Variants in PHF23 observed in about 807,000 individuals in gnomAD.
PHF23 encodes PDH-containing protein JUNE-1.
A neutral mutation model predicts 36.0 loss-of-function variants in PHF23; 3 were observed. That is an observed-to-expected ratio of 0.08 (90% CI 0.04 to 0.22). PHF23 has a LOEUF of 0.22. Ranked by LOEUF, PHF23 falls within the 10% of genes least tolerant of loss-of-function variation. PHF23 has a pLI of 1.00. For synonymous variants in PHF23, 242 were observed against 192.5 expected, an observed-to-expected ratio of 1.26 and a Z score of -2.13; for missense variants, 475 against 513.6, an observed-to-expected ratio of 0.92 and a Z score of 0.73.
At position 7,236,690 on chromosome 17, in the gene PHF23, C is replaced by T. The variant is rs778149646; in HGVS notation, c.237G>A (p.Ser79=). The stretch of plus-strand genomic sequence containing the variant: ...GGATGGTTCGAAGATCTGAGGGGGC[C>T]GAGTCCCAGCCATCACTGTCGGCCG... The part of the protein sequence containing the change: ...ESAADSDGWD[S]APSDLRTIQT... Residue 79 remains serine, a synonymous_variant, in exon 4 of 5, where the codon TCG becomes TCA. Transcript: ENST00000320316. The surrounding 1 kb of genome is among the most constrained non-coding windows in gnomAD (Gnocchi z 5.1). 31 of 1,613,982 alleles carry T rather than the reference C, an allele frequency of 1.9e-5. 2 individuals carry two copies. In the South Asian group the frequency reaches 2.6e-4, roughly 14 times the overall value.
intron 2 of PHF23, 33 bp downstream of exon 2, chr17:7,237,596 G>A (rs2071695277): frequency 6.2e-7 from 1 of 1,613,616 alleles, no homozygotes; most frequent in African/African-American, 1.3e-5. Flanking sequence ...GTCAGGCAGG[G>A]CTACTAGGCT....
chr17:7,239,053 C>A, intron 1 of PHF23, 193 bp downstream of exon 1: 2 of 1,297,502 alleles, frequency 1.5e-6, no homozygotes, highest in South Asian at 3.1e-5. Flanking sequence ...TGATCTCCAA[C>A]TACCCCAGCC....
chr17:7,240,699 C>A, upstream of PHF23: 1 of 627,172 alleles, frequency 1.6e-6, no homozygotes, highest in Non-Finnish European at 2.9e-6. Context: ...ATTACCCCTC[C>A]TAAGAGAGGC....
At chr17:7,239,180 A>G in intron 1 of PHF23, 66 bp downstream of exon 1, 1 of 1,192,838 alleles carries the variant, frequency 8.4e-7, no homozygotes, top group South Asian at 1.3e-5. Context: ...TCGACCTCCA[A>G]GTTTGCCAAT....
chr17:7,240,805 CCT>C (rs1161357174), upstream of PHF23: 2 of 1,308,606 alleles, frequency 1.5e-6, no homozygotes, highest in Admixed American at 3.4e-5. Context: ...AGGGGGGCCA[CCT>C]CTCTCTTTGT....
At chr17:7,238,763 T>C in intron 1 of PHF23, 1 of 1,524,206 alleles carries the variant, frequency 6.6e-7, no homozygotes, top group Non-Finnish European at 8.7e-7. Flanking sequence ...GACCCCCTCT[T>C]CTCCCCACAA....
Position 7,235,472 on chromosome 17 carries a change from A to G in PHF23, c.*154T>C, listed in dbSNP as rs1597559842. The G allele has an allele frequency of 1.3e-6, 1 of 767,456 alleles. No individual in the cohort carries two copies. Among genetic ancestry groups the G allele is most frequent in the Non-Finnish European group, 2.1e-6 (1 of 469,696 alleles). 47.5% of individuals were successfully genotyped at this position (767,456 alleles called of 1,614,324 possible). A position where few individuals can be genotyped will look rare whatever the true frequency, so the allele number is the denominator to read the frequency against. ...GAGTGGGGAGGAAGGATAGGGTGGG[A>G]AAGTGAGACACTCATTTTCAAACAA... is the stretch of plus-strand genomic sequence containing the variant. On this transcript the variant is annotated 3_prime_UTR_variant, in exon 5 of 5. Transcript: ENST00000320316.
chr17:7,235,384 T>C lies in PHF23; in HGVS notation c.*242A>G. 1 of 538,218 alleles carries C rather than the reference T, an allele frequency of 1.9e-6. No homozygotes were observed. Among genetic ancestry groups the C allele is most frequent in the Non-Finnish European group, 3.3e-6 (1 of 298,806 alleles). 33.3% of individuals were successfully genotyped at this position (538,218 alleles called of 1,614,324 possible). A position where few individuals can be genotyped will look rare whatever the true frequency, so the allele number is the denominator to read the frequency against. ...GGTGGCAGGTCCAAGAGACAGAGAT[T>C]ATGTGTCGGGACACAGACAGCCTCC... On this transcript the variant is annotated 3_prime_UTR_variant, in exon 5 of 5. Coordinates refer to ENST00000320316, the MANE Select transcript of PHF23 (RefSeq NM_024297.3).
chr17:7,240,174 T>G (rs1358738608), upstream of PHF23: 1 of 152,226 alleles, frequency 6.6e-6, no homozygotes, highest in African/African-American at 2.4e-5. Flanking sequence ...TAACATTTAG[T>G]TTCACATGCG....
rs748426063 is a variant in PHF23 at position 7,236,647 on chromosome 17, C to T, written c.280G>A (p.Ala94Thr). The change falls in exon 4 of 5, where the codon GCA (alanine) becomes ACA (threonine). Residue 94 changes from alanine to threonine, a missense_variant. This residue lies in a region of PHF23 where 350 missense variants were observed against 319.8 expected (regional missense o/e 1.09). Coordinates refer to ENST00000320316, the MANE Select transcript of PHF23 (RefSeq NM_024297.3). This position sits in a 1 kb window ranked among gnomAD's most constrained non-coding sequence, Gnocchi z 5.1. The stretch of plus-strand genomic sequence containing the variant: ...GCTGCCCTTCTCTTGGATGACTTTG[C>T]TTTCTTAACAAAAGTCTGGATGGTT... The part of the protein sequence containing the change: ...LRTIQTFVKK[A>T]KSSKRRAAQA... 179 of 1,614,034 alleles carry T rather than the reference C, an allele frequency of 1.1e-4. No individual in the cohort carries two copies. Among genetic ancestry groups the T allele is most frequent in the Non-Finnish European group, 1.4e-4 (168 of 1,180,022 alleles).
rs976765769 is a variant in PHF23, at chr17:7,236,165, C to T, written c.762G>A (p.Glu254=). The change falls in exon 4 of 5, where the codon GAG becomes GAA. Residue 254 remains glutamate (E), a synonymous_variant. Transcript: ENST00000320316. This position sits in a 1 kb window ranked among gnomAD's most constrained non-coding sequence, Gnocchi z 5.1. ...CCATCTCTTCTTCTTCTTCCTCTTC[C>T]TCCTCTTCCTCCTCCTCTTCAGAGT... The part of the protein sequence containing the change: ...DTDSEEEEEE[E]EEEEEEEMAT... The T allele has an allele frequency of 1.2e-6, 2 of 1,608,474 alleles. No individual in the cohort carries two copies. Among genetic ancestry groups the T allele is most frequent in the African/African-American group, 1.3e-5 (1 of 74,712 alleles).
In PHF23 at chr17:7,236,136, GTTGCCATCTC is replaced by G. The variant is rs1567580674; in HGVS notation, c.781_790del (p.Glu261GlnfsTer3). ...GACTGGGGCTTCACCCCCTACCACT[GTTGCCATCTC>G]TTCTTCTTCTTCCTCTTCCTCCTCT... On this transcript the variant is annotated frameshift_variant, in exon 4 of 5. Coordinates refer to ENST00000320316, the MANE Select transcript of PHF23 (RefSeq NM_024297.3). LOFTEE classifies it high-confidence loss of function. The surrounding 1 kb of genome is among the most constrained non-coding windows in gnomAD (Gnocchi z 5.1). The G allele has an allele frequency of 6.2e-7, 1 of 1,610,734 alleles. No individual in the cohort carries two copies. Among genetic ancestry groups the G allele is most frequent in the Non-Finnish European group, 8.5e-7 (1 of 1,178,342 alleles).
In PHF23 at chr17:7,237,626, C is replaced by T. The variant is rs766896302; in HGVS notation, c.66+3G>A. 34 of 1,613,912 alleles carry T rather than the reference C, an allele frequency of 2.1e-5. No homozygotes were observed. The Admixed American group carries it at 3.5e-4, about 17-fold the overall frequency. On this transcript the variant is annotated splice_donor_region_variant and intron_variant, in intron 2 of 4. Transcript: ENST00000320316. ...TAGGCTGCAAAGGTAAGGCAAACCT[C>T]ACCTGAGTCTCTGGCTTAAGGGTCG...
intron 1 of PHF23, chr17:7,238,521 T>C: frequency 3.2e-6 from 3 of 933,360 alleles, no homozygotes; most frequent in South Asian, 7.7e-5. Flanking sequence ...ACTCTCTCTC[T>C]CTCTCCACAG....
intron 1 of PHF23, chr17:7,238,917 ACT>A: frequency 6.6e-7 from 1 of 1,513,002 alleles, no homozygotes; most frequent in South Asian, 1.2e-5. Flanking sequence ...CTCCTGAGCA[ACT>A]CTCCGGCCAC....
At chr17:7,239,536 C>T (rs1320956503), upstream of PHF23, 1 of 377,426 alleles carries the variant, frequency 2.6e-6, no homozygotes, top group Non-Finnish European at 4.9e-6. Context: ...TCTCCTCCCT[C>T]CCTCCTCTTC....
chr17:7,237,817 C>G, intron 1 of PHF23, 157 bp from the exon 2 acceptor site: 3 of 828,596 alleles, frequency 3.6e-6, no homozygotes, highest in East Asian at 2.7e-5. Context: ...CCGGCTCCCC[C>G]TTCCGCCCCG....
In PHF23 at chr17:7,235,396, CA is replaced by C. The variant is rs766395130; in HGVS notation, c.*229del. Reference sequence around the variant, plus strand: ...AAGAGACAGAGATTATGTGTCGGGACACAGACAGCCTCCCATCCCCAACCGT... The same window carrying C: ...AAGAGACAGAGATTATGTGTCGGGACCAGACAGCCTCCCATCCCCAACCGT... On this transcript the variant is annotated 3_prime_UTR_variant, in exon 5 of 5. Coordinates refer to ENST00000320316, the MANE Select transcript of PHF23 (RefSeq NM_024297.3). The C allele has an allele frequency of 3.6e-6, 2 of 556,664 alleles. No homozygotes were observed. The highest frequency in any genetic ancestry group is 6.4e-6 in the Non-Finnish European group (2 of 310,822). 34.5% of individuals were successfully genotyped at this position (556,664 alleles called of 1,614,324 possible). A position where few individuals can be genotyped will look rare whatever the true frequency, so the allele number is the denominator to read the frequency against.
At chr17:7,237,903 C>A (rs2071706578) in intron 1 of PHF23, 1 of 543,428 alleles carries the variant, frequency 1.8e-6, no homozygotes. Context: ...GGAGGCCCGG[C>A]GCCCCGCCCC....
Sources: allele counts gnomAD v4.1 joint callset, GRCh38; gene constraint gnomAD v4.1.1; regional missense constraint gnomAD v4.1.1; non-coding constraint Gnocchi (gnomAD v3.1); transcripts MANE v1.5; gene names NCBI Gene and HGNC (gene_info 2026-07-23, HGNC 2026-07-21).